Variants in IARS1 observed in about 807,000 individuals in gnomAD.
The protein encoded by IARS1 is isoleucine--tRNA ligase, cytoplasmic.
A neutral mutation model predicts 168.2 loss-of-function variants in IARS1; 124 were observed. The ratio of observed to expected loss-of-function variants is 0.74; its 90% CI spans 0.64 to 0.86. IARS1 has a LOEUF of 0.86. Ranked by LOEUF, IARS1 falls within the 40% of genes least tolerant of loss-of-function variation. IARS1 has a pLI of 0.00. For missense variants in IARS1, 1,452 were observed against 1,515.8 expected (o/e 0.96, Z 0.70); for synonymous variants, 532 against 529.4 (o/e 1.00, Z -0.07).
chr9:92,273,638 T>C lies in IARS1; in HGVS notation c.990+788A>G, dbSNP rs572266520. Among the ~76,000 whole-genome samples, 32 of 152,376 alleles carry C rather than the reference T, an allele frequency of 2.1e-4. No homozygotes were observed. In the South Asian group the frequency reaches 6.4e-3, roughly 31 times the overall value. Reference sequence around the variant, plus strand: ...ATGGTTACACTAAAAGCCCAGATTTTACTACTATACAACATATCAATGTAA... The same window carrying C: ...ATGGTTACACTAAAAGCCCAGATTTCACTACTATACAACATATCAATGTAA... On this transcript the variant is annotated intron_variant, in intron 10 of 33. Coordinates refer to ENST00000443024, the MANE Select transcript of IARS1 (RefSeq NM_002161.6).
intron 17 of IARS1, among the ~76,000 whole-genome samples, chr9:92,262,444 ATAAAG>A (rs1236977261): frequency 5.9e-5 from 9 of 152,190 alleles, no homozygotes; most frequent in African/African-American, 2.2e-4. Context: ...ACTAGAGGTA[ATAAAG>A]TAAAGGAAAA....
chr9:92,250,895 T>C (rs2133701520), intron 22 of IARS1, 61 bp from the exon 23 acceptor site: 2 of 1,519,594 alleles, frequency 1.3e-6, no homozygotes, highest in East Asian at 4.5e-5. Flanking sequence ...TGATCTCATT[T>C]ATACTGAGAA....
chr9:92,226,443 T>C (rs927551339), intron 31 of IARS1, among the ~76,000 whole-genome samples: 1 of 152,222 alleles, frequency 6.6e-6, no homozygotes, highest in Non-Finnish European at 1.5e-5. Flanking sequence ...AGTTGGCCAT[T>C]TGCATTTCTT....
chr9:92,212,319 T>C (rs1837894387), intron 33 of IARS1, among the ~76,000 whole-genome samples: 1 of 152,076 alleles, frequency 6.6e-6, no homozygotes, highest in South Asian at 2.1e-4. Flanking sequence ...AGATACTAGA[T>C]TGGAAAGATA....
chr9:92,214,710 C>T (rs181586257), intron 33 of IARS1, among the ~76,000 whole-genome samples: 9 of 152,212 alleles, frequency 5.9e-5, no homozygotes, highest in African/African-American at 1.9e-4. Context: ...TGCGCTTTTC[C>T]GATGGGCTTA....
intron 21 of IARS1, chr9:92,252,495 G>A (rs541643257): frequency 9.0e-5 from 41 of 457,002 alleles, no homozygotes; most frequent in East Asian, 4.7e-4. Context: ...GGCCAGGCAC[G>A]GTGGTTCACA....
chr9:92,286,103 C>G (rs1237509109), intron 5 of IARS1: 1 of 370,346 alleles, frequency 2.7e-6, no homozygotes, highest in Non-Finnish European at 5.0e-6. Flanking sequence ...CGCAGTGGCT[C>G]ACGTCTGTAA....
rs747852034 is a variant in IARS1 at position 92,271,648 on chromosome 9, T to C, written c.998A>G (p.Tyr333Cys). The change falls in exon 11 of 34, where the codon TAT becomes TGT. Residue 333 changes from tyrosine to cysteine, a missense_variant. Tyr to Cys is a radical substitution (Grantham distance 194). Coordinates refer to ENST00000443024, the MANE Select transcript of IARS1 (RefSeq NM_002161.6). ...HQAPYFGAED[Y>C]RVCMDFNIIR... ...AATGTTAAAGTCCATACAGACCCGA[T>C]AGTCCTCCTGAGAAAAGGCAAAAGA... 28 of 1,613,922 alleles carry C rather than the reference T, an allele frequency of 1.7e-5. No individual in the cohort carries two copies. Among genetic ancestry groups the C allele is most frequent in the Middle Eastern group, 1.6e-4 (1 of 6,082 alleles).
intron 6 of IARS1, 75 bp downstream of exon 6, chr9:92,285,647 A>T: frequency 1.2e-6 from 1 of 867,914 alleles, no homozygotes; most frequent in Non-Finnish European, 1.9e-6. Flanking sequence ...ACTTGGGAAT[A>T]CCTACTGTGA....
chr9:92,232,906 C>G (rs1217944173), intron 30 of IARS1, among the ~76,000 whole-genome samples: 3 of 152,188 alleles, frequency 2.0e-5, no homozygotes, highest in Non-Finnish European at 4.4e-5. Flanking sequence ...AAATGAGTGA[C>G]TGTAGCTTCA....
chr9:92,276,443 G>A (rs140518070), intron 9 of IARS1, among the ~76,000 whole-genome samples: 2 of 152,298 alleles, frequency 1.3e-5, no homozygotes, highest in Non-Finnish European at 1.5e-5. Flanking sequence ...AATAACTAAC[G>A]CCTGTAGGGA....
rs1834258633 is a variant in IARS1 at position 92,279,663 on chromosome 9, T to C, written c.745+1083A>G. ...AAGTTGACTGTTTTAATACAACTATTTTTAAAAATCATGGTAACCATTCTT... is the reference window on the plus strand; with the variant it reads ...AAGTTGACTGTTTTAATACAACTATCTTTAAAAATCATGGTAACCATTCTT... On this transcript the variant is annotated intron_variant, in intron 7 of 33. Coordinates refer to ENST00000443024, the MANE Select transcript of IARS1 (RefSeq NM_002161.6). Among the ~76,000 whole-genome samples, 4 of 152,362 alleles carry C rather than the reference T, an allele frequency of 2.6e-5. No homozygotes were observed. The South Asian group carries it at 8.3e-4, about 32-fold the overall frequency.
At chr9:92,252,399 T>C (rs1830126731) in intron 21 of IARS1, 1 of 516,248 alleles carries the variant, frequency 1.9e-6, no homozygotes, top group Non-Finnish European at 3.9e-6. Flanking sequence ...TCCTTCTAGA[T>C]ACGTGTGTGT....
chr9:92,293,392 T>C (rs757042076), intron 1 of IARS1: 1 of 501,564 alleles, frequency 2.0e-6, no homozygotes, highest in Non-Finnish European at 4.1e-6. Flanking sequence ...TATATCAATT[T>C]ATACTATGTA....
chr9:92,229,596 T>C (rs1456985086), intron 30 of IARS1, among the ~76,000 whole-genome samples: 2 of 152,224 alleles, frequency 1.3e-5, no homozygotes, highest in Non-Finnish European at 2.9e-5. Flanking sequence ...CTGATGTTGA[T>C]TTATTCTGCA....
chr9:92,286,405 C>G lies in IARS1; in HGVS notation c.479+131G>C, dbSNP rs1375142017. On this transcript the variant is annotated intron_variant, in intron 5 of 33. Coordinates refer to ENST00000443024, the MANE Select transcript of IARS1 (RefSeq NM_002161.6). ...TAAAAGTTCTACATTCAAAAACAAA[C>G]CTGTTCCCAAAGATTTTCAGAGAAA... 6 of 597,322 alleles carry G rather than the reference C, an allele frequency of 1.0e-5. No individual in the cohort carries two copies. The Admixed American group carries it at 1.9e-4, about 19-fold the overall frequency. The allele number at this position is 597,322 out of a possible 1,614,324, so 37.0% of individuals were successfully genotyped here.
chr9:92,254,728 AAC>A (rs1023456172), intron 20 of IARS1, among the ~76,000 whole-genome samples: 1 of 152,196 alleles, frequency 6.6e-6, no homozygotes, highest in Non-Finnish European at 1.5e-5. Context: ...ATAAACATAC[AAC>A]ACACAGGGGC....
chr9:92,212,172 A>G (rs763894039), intron 33 of IARS1, among the ~76,000 whole-genome samples: 1 of 152,180 alleles, frequency 6.6e-6, no homozygotes. Context: ...TGATGTTTAG[A>G]GTTTAGTGGA....
In IARS1 at chr9:92,286,023, A is replaced by G. The variant is rs1338049082; in HGVS notation, c.480-184T>C. Reference sequence around the variant, plus strand: ...TAGTAAGACATCAGGCAGACATTAAAATGCTAATATCTACTGATATCGAAT... The same window carrying G: ...TAGTAAGACATCAGGCAGACATTAAGATGCTAATATCTACTGATATCGAAT... On this transcript the variant is annotated intron_variant, in intron 5 of 33. Coordinates refer to ENST00000443024, the MANE Select transcript of IARS1 (RefSeq NM_002161.6). The G allele has an allele frequency of 7.4e-6, 4 of 538,278 alleles. No homozygotes were observed. In the African/African-American group the frequency reaches 7.5e-5, roughly 10 times the overall value. 33.3% of individuals were successfully genotyped at this position (538,278 alleles called of 1,614,324 possible).
Sources: allele counts gnomAD v4.1 joint callset (sites outside exome capture counted in the v4.1 genomes callset), GRCh38; gene constraint gnomAD v4.1.1; transcripts MANE v1.5; gene names NCBI Gene and HGNC (gene_info 2026-07-23, HGNC 2026-07-21).